Variants in DLG2 observed in about 807,000 individuals in gnomAD.
DLG2 encodes discs large MAGUK scaffold protein 2, also known as disks large homolog 2.
In DLG2, 45 loss-of-function variants were observed where a neutral mutation model predicts 132.5. The ratio of observed to expected loss-of-function variants is 0.34; its 90% CI spans 0.27 to 0.44. The LOEUF is 0.44. DLG2 is among the 20% of genes least tolerant of loss of function. The probability of loss-of-function intolerance (pLI) is 1.00; values close to 1 mark genes in which losing one functional copy is unlikely to be tolerated. For synonymous variants in DLG2, 424 were observed against 419.6 expected, an observed-to-expected ratio of 1.01 and a Z score of -0.13; for missense variants, 1,045 against 1,196.9, an observed-to-expected ratio of 0.87 and a Z score of 1.87.
intron 7 of DLG2, among the ~76,000 whole-genome samples, chr11:84,301,832 G>A (rs765887977): frequency 6.6e-6 from 1 of 151,942 alleles, no homozygotes; most frequent in African/African-American, 2.4e-5. Context: ...ATTTGACCCA[G>A]CAATCCCATT....
chr11:84,527,076 C>T (rs2099323470), intron 7 of DLG2, among the ~76,000 whole-genome samples: 1 of 151,926 alleles, frequency 6.6e-6, no homozygotes, highest in African/African-American at 2.4e-5. Flanking sequence ...CCGCTCCCGG[C>T]CCCACTGGGG....
intron 15 of DLG2, among the ~76,000 whole-genome samples, chr11:83,876,735 G>C (rs565553915): frequency 4.1e-4 from 62 of 152,174 alleles, no homozygotes; most frequent in African/African-American, 1.3e-3. Flanking sequence ...ATCACCAAGT[G>C]GGTGTACTTT....
intron 6 of DLG2, among the ~76,000 whole-genome samples, chr11:84,805,115 A>C (rs1158366229): frequency 6.6e-6 from 1 of 152,106 alleles, no homozygotes; most frequent in Non-Finnish European, 1.5e-5. Context: ...GGCCACATGC[A>C]CAGTAGCAGT....
chr11:85,131,353 G>A (rs905629423), intron 5 of DLG2, among the ~76,000 whole-genome samples: 1 of 151,890 alleles, frequency 6.6e-6, no homozygotes, highest in African/African-American at 2.4e-5. Context: ...TATAATTTGG[G>A]AATAAATAAT....
At chr11:83,799,840 G>A (rs1288955391) in intron 17 of DLG2, among the ~76,000 whole-genome samples, 1 of 152,186 alleles carries the variant, frequency 6.6e-6, no homozygotes, top group African/African-American at 2.4e-5. Flanking sequence ...GCTTAGAGAA[G>A]TGGCCAATGT....
intron 9 of DLG2, among the ~76,000 whole-genome samples, chr11:84,139,200 T>C (rs1195649902): frequency 2.0e-5 from 3 of 152,158 alleles, no homozygotes; most frequent in African/African-American, 7.2e-5. Flanking sequence ...GACTGTCTCA[T>C]TCATTTCCTA....
In DLG2 at chr11:83,551,578, C is replaced by T. The variant is rs554973840; in HGVS notation, c.1941-9720G>A. Among the ~76,000 whole-genome samples the T allele has an allele frequency of 1.8e-3, 274 of 152,234 alleles. 1 individual carries two copies. The highest frequency in any genetic ancestry group is 2.9e-3 in the Non-Finnish European group (197 of 68,012). On this transcript the variant is annotated intron_variant, in intron 19 of 27. Transcript: ENST00000376104. ...GGCAATCACTTTGCCTGCCCCAATA[C>T]TGAGTTTGTTACTTTGCCTATGATT...
chr11:84,144,628 T>G (rs909115621), intron 9 of DLG2, among the ~76,000 whole-genome samples: 3 of 152,016 alleles, frequency 2.0e-5, no homozygotes, highest in Non-Finnish European at 4.4e-5. Context: ...AAGAATAACA[T>G]GAGGAGATAA....
At chr11:84,134,107 T>C (rs1010266060) in intron 9 of DLG2, among the ~76,000 whole-genome samples, 1 of 152,170 alleles carries the variant, frequency 6.6e-6, no homozygotes, top group South Asian at 2.1e-4. Flanking sequence ...CTACAAAAGA[T>C]ACTACCCTCA....
intron 6 of DLG2, chr11:84,720,534 C>G (rs972670464): frequency 1.5e-5 from 15 of 975,124 alleles, no homozygotes; most frequent in Middle Eastern, 5.3e-4. Context: ...CCCGGAGCCC[C>G]GGTGGAAGCA....
At chr11:84,067,680 A>C (rs2096699881) in intron 10 of DLG2, among the ~76,000 whole-genome samples, 1 of 152,118 alleles carries the variant, frequency 6.6e-6, no homozygotes, top group Non-Finnish European at 1.5e-5. Context: ...TCCTTTTATG[A>C]AGTACATGGA....
At chr11:84,543,251 G>A (rs918741787) in intron 6 of DLG2, among the ~76,000 whole-genome samples, 3 of 152,022 alleles carry the variant, frequency 2.0e-5, no homozygotes, top group African/African-American at 7.2e-5. Context: ...TGCAAATCTG[G>A]GGGTGGAGGT....
chr11:85,086,449 T>C (rs1473830988), intron 6 of DLG2, among the ~76,000 whole-genome samples: 1 of 152,104 alleles, frequency 6.6e-6, no homozygotes, highest in African/African-American at 2.4e-5. Flanking sequence ...CTAGCTAATC[T>C]GTAATATGAA....
At chr11:84,680,944 C>G (rs967426363) in intron 6 of DLG2, among the ~76,000 whole-genome samples, 2 of 152,084 alleles carry the variant, frequency 1.3e-5, no homozygotes, top group Admixed American at 1.3e-4. Context: ...CAGTATTTCC[C>G]TCATTAATTT....
At chr11:83,636,738 C>T (rs1248270122) in intron 18 of DLG2, among the ~76,000 whole-genome samples, 3 of 152,126 alleles carry the variant, frequency 2.0e-5, no homozygotes, top group Non-Finnish European at 4.4e-5. Flanking sequence ...ATTTGCCTTA[C>T]AGTATGGCTT....
At chr11:84,109,167 C>G (rs191318589) in intron 9 of DLG2, among the ~76,000 whole-genome samples, 12 of 152,092 alleles carry the variant, frequency 7.9e-5, no homozygotes, top group Admixed American at 7.9e-4. Flanking sequence ...ATATCAGATA[C>G]TGTGTTAGAC....
intron 3 of DLG2, among the ~76,000 whole-genome samples, chr11:85,353,495 A>G (rs981900959): frequency 6.6e-6 from 1 of 152,138 alleles, no homozygotes; most frequent in Non-Finnish European, 1.5e-5. Context: ...TGGGTATATA[A>G]CCAAAGGATT....
chr11:84,795,283 T>G (rs2074420970), intron 6 of DLG2, among the ~76,000 whole-genome samples: 1 of 150,592 alleles, frequency 6.6e-6, no homozygotes, highest in Admixed American at 6.6e-5. Context: ...GAGAGGAGCT[T>G]CCCAAGGTGA....
At chr11:84,253,909 C>A (rs1225321172) in intron 7 of DLG2, among the ~76,000 whole-genome samples, 1 of 151,950 alleles carries the variant, frequency 6.6e-6, no homozygotes, top group African/African-American at 2.4e-5. Flanking sequence ...ATATGTCAGC[C>A]CTATACTAGA....
Sources: allele counts gnomAD v4.1 joint callset (sites outside exome capture counted in the v4.1 genomes callset), GRCh38; gene constraint gnomAD v4.1.1; transcripts MANE v1.5; gene names NCBI Gene and HGNC (gene_info 2026-07-23, HGNC 2026-07-21).